The following SMURF2 variants were observed in gnomAD, a reference collection of about 807,000 sequenced individuals.
SMURF2 encodes SMAD specific E3 ubiquitin protein ligase 2, also known as E3 ubiquitin-protein ligase SMURF2.
A neutral mutation model predicts 109.6 loss-of-function variants in SMURF2; 48 were observed. The ratio of observed to expected loss-of-function variants is 0.44; its 90% confidence interval spans 0.35 to 0.56. The LOEUF (loss-of-function observed/expected upper bound fraction) is 0.56. SMURF2 is among the 20% of genes least tolerant of loss of function. The pLI is 0.01. For synonymous variants in SMURF2, 288 were observed against 317.1 expected, an observed-to-expected ratio of 0.91 and a Z score of 0.97; for missense variants, 575 against 909.0, an observed-to-expected ratio of 0.63 and a Z score of 4.72.
At chr17:64,631,970 G>GT (rs1970355277) in intron 1 of SMURF2, among the ~76,000 whole-genome samples, 1 of 140,530 alleles carries the variant, frequency 7.1e-6, no homozygotes, top group African/African-American at 2.6e-5. Context: ...GCGGGGGGGG[G>GT]GGGGGGGGGG....
chr17:64,593,613 C>T (rs782669548), intron 3 of SMURF2, 40 bp from the exon 4 acceptor site: 44 of 1,453,270 alleles, frequency 3.0e-5, no homozygotes, highest in Non-Finnish European at 3.8e-5. Flanking sequence ...TTGGTAGTTA[C>T]AGGCAGTTGG....
chr17:64,619,478 C>CAAAAAA (rs552413988), intron 1 of SMURF2, among the ~76,000 whole-genome samples: 38 of 34,656 alleles, frequency 1.1e-3, no homozygotes, highest in Non-Finnish European at 1.5e-3. Context: ...ACTCTTGTCT[C>CAAAAAA]AAAAAAAAAA....
chr17:64,562,530 C>A (rs1390201862), intron 11 of SMURF2, among the ~76,000 whole-genome samples: 1 of 151,478 alleles, frequency 6.6e-6, no homozygotes, highest in East Asian at 2.0e-4. Flanking sequence ...CAGGCATGTG[C>A]CACCATGCCC....
chr17:64,549,262 CAAAAAAAAAAAAAAAA>C (rs577973821), intron 16 of SMURF2, among the ~76,000 whole-genome samples: 2 of 41,572 alleles, frequency 4.8e-5, no homozygotes, highest in Non-Finnish European at 9.3e-5. Flanking sequence ...ACTGTGTCTC[CAAAAAAAAAAAAAAAA>C]AAAAAAAAAG....
At chr17:64,578,692 T>G (rs1312863548) in intron 8 of SMURF2, 116 bp from the exon 9 acceptor site, 2 of 645,822 alleles carry the variant, frequency 3.1e-6, no homozygotes, top group African/African-American at 3.7e-5. Flanking sequence ...CCAATCTATT[T>G]TATTTATTAT....
chr17:64,625,900 A>AC (rs1412156963), intron 1 of SMURF2, among the ~76,000 whole-genome samples: 1 of 152,184 alleles, frequency 6.6e-6, no homozygotes, highest in Non-Finnish European at 1.5e-5. Context: ...GACAATACAC[A>AC]CACTTTAAAG....
intron 10 of SMURF2, among the ~76,000 whole-genome samples, chr17:64,568,343 G>A (rs1555685260): frequency 6.6e-6 from 1 of 152,110 alleles, no homozygotes; most frequent in Non-Finnish European, 1.5e-5. Context: ...CACACTGAAA[G>A]CCGTCCTGGG....
chr17:64,647,117 A>G (rs1379727751), intron 1 of SMURF2, among the ~76,000 whole-genome samples: 8 of 152,318 alleles, frequency 5.3e-5, no homozygotes, highest in African/African-American at 1.7e-4. Context: ...TTAAAATCCT[A>G]GAGCCTACAT....
At chr17:64,599,803 G>A (rs1433592811) in intron 2 of SMURF2, among the ~76,000 whole-genome samples, 1 of 152,152 alleles carries the variant, frequency 6.6e-6, no homozygotes, top group Admixed American at 6.5e-5. Context: ...CCGAAGGTTG[G>A]GGGCTGCTGC....
At chr17:64,576,218 G>C (rs1208856609) in intron 9 of SMURF2, among the ~76,000 whole-genome samples, 1 of 151,788 alleles carries the variant, frequency 6.6e-6, no homozygotes, top group Non-Finnish European at 1.5e-5. Context: ...AAAAAGAGAG[G>C]GAGGGAGGCA....
chr17:64,549,253 CTG>C (rs1295926788), intron 16 of SMURF2, among the ~76,000 whole-genome samples: 1 of 107,516 alleles, frequency 9.3e-6, no homozygotes, highest in Non-Finnish European at 1.7e-5. Context: ...ACAAGTGAGA[CTG>C]TGTCTCCAAA....
At chr17:64,613,181 G>A (rs1216464852) in intron 1 of SMURF2, among the ~76,000 whole-genome samples, 1 of 152,150 alleles carries the variant, frequency 6.6e-6, no homozygotes, top group Non-Finnish European at 1.5e-5. Context: ...TTGGGGACTA[G>A]AACCACAGCC....
At chr17:64,611,597 C>G (rs1245784998) in intron 1 of SMURF2, among the ~76,000 whole-genome samples, 1 of 152,140 alleles carries the variant, frequency 6.6e-6, no homozygotes, top group Non-Finnish European at 1.5e-5. Context: ...AGCAATTCTA[C>G]CTCGGAAATA....
rs1969242538 is a variant in SMURF2, at chr17:64,562,870, G to A, written c.1113C>T (p.Asp371=). Residue 371 remains aspartate (D), a synonymous_variant, in exon 11 of 19, where the codon GAC becomes GAT. Coordinates refer to ENST00000262435, the MANE Select transcript of SMURF2 (RefSeq NM_022739.4). The part of the protein sequence containing the change: ...ECLTVPRYKR[D]LVQKLKILRQ... ...GCAAAATTTTTAGTTTCTGAACCAGGTCTCGCTTGTACCTTGGGACTGTCA... is the reference window on the plus strand; with the variant it reads ...GCAAAATTTTTAGTTTCTGAACCAGATCTCGCTTGTACCTTGGGACTGTCA... The A allele has an allele frequency of 1.2e-6, 2 of 1,614,130 alleles. No individual in the cohort carries two copies. The highest frequency in any genetic ancestry group is 1.7e-6 in the Non-Finnish European group (2 of 1,180,024).
intron 1 of SMURF2, among the ~76,000 whole-genome samples, chr17:64,613,446 G>A (rs1480024360): frequency 6.6e-6 from 1 of 152,140 alleles, no homozygotes; most frequent in Admixed American, 6.6e-5. Context: ...CTAGGGAGGG[G>A]TGGCAGTGTG....
rs575618877 is a variant in SMURF2, at chr17:64,548,812, TA to T, written c.1870-1012del. On this transcript the variant is annotated intron_variant, in intron 16 of 18. Coordinates refer to ENST00000262435, the MANE Select transcript of SMURF2 (RefSeq NM_022739.4). ...GATGAACTATATCCAAATCATTTTA[TA>T]CTATCATTAATATGTCTCCCTAGGG... 1.1e-4 allele frequency among the ~76,000 whole-genome samples: 16 copies of T among 152,298 alleles called. No individual in the cohort carries two copies. The South Asian group carries it at 3.3e-3, about 32-fold the overall frequency.
At chr17:64,623,077 G>A (rs940923464) in intron 1 of SMURF2, among the ~76,000 whole-genome samples, 6 of 152,176 alleles carry the variant, frequency 3.9e-5, no homozygotes, top group Admixed American at 3.3e-4. Context: ...ATCATTGAGG[G>A]GAAAGGAAGA....
At chr17:64,644,268 C>T (rs1403249435) in intron 1 of SMURF2, among the ~76,000 whole-genome samples, 6 of 151,990 alleles carry the variant, frequency 3.9e-5, no homozygotes, top group African/African-American at 9.7e-5. Flanking sequence ...CATAAGCCAC[C>T]GCGCCCAGCC....
intron 13 of SMURF2, 148 bp downstream of exon 13, chr17:64,557,460 G>T: frequency 1.7e-6 from 1 of 603,488 alleles, no homozygotes; most frequent in Non-Finnish European, 2.9e-6. Flanking sequence ...ATAATCATCT[G>T]CTTGGGAAAA....
Sources: allele counts gnomAD v4.1 joint callset (sites outside exome capture counted in the v4.1 genomes callset), GRCh38; gene constraint gnomAD v4.1.1; transcripts MANE v1.5; gene names NCBI Gene and HGNC (gene_info 2026-07-23, HGNC 2026-07-21).